The following RGS6 variants were observed in gnomAD, a reference collection of about 807,000 sequenced individuals.
RGS6 encodes the protein regulator of G protein signaling 6.
In RGS6, 30 loss-of-function variants were observed where a neutral mutation model predicts 78.5. That is an observed-to-expected ratio of 0.38 (90% CI 0.29 to 0.52). The LOEUF is 0.52. Ranked by LOEUF, RGS6 falls within the 20% of genes least tolerant of loss-of-function variation. The probability of loss-of-function intolerance (pLI) is 0.85; values close to 1 mark genes in which losing one functional copy is unlikely to be tolerated. For missense variants in RGS6, 495 were observed against 609.7 expected, an observed-to-expected ratio of 0.81 and a Z score of 1.98; for synonymous variants, 206 against 206.0, an observed-to-expected ratio of 1.00 and a Z score of 0.00.
chr14:72,099,320 C>T (rs546541087), intron 2 of RGS6, among the ~76,000 whole-genome samples: 18 of 152,078 alleles, frequency 1.2e-4, no homozygotes, highest in Admixed American at 3.3e-4. Context: ...CCTCCATGCC[C>T]GGCTAATTTT....
At chr14:72,076,675 C>G (rs185512926) in intron 2 of RGS6, among the ~76,000 whole-genome samples, 1 of 151,938 alleles carries the variant, frequency 6.6e-6, no homozygotes, top group African/African-American at 2.4e-5. Flanking sequence ...ACTATAGACA[C>G]GTGCCATCAT....
At chr14:71,943,707 AT>A (rs748545863) in intron 1 of RGS6, among the ~76,000 whole-genome samples, 1 of 152,232 alleles carries the variant, frequency 6.6e-6, no homozygotes, top group Non-Finnish European at 1.5e-5. Context: ...CTGCTGCTGC[AT>A]TGATAGGGCT....
intron 2 of RGS6, among the ~76,000 whole-genome samples, chr14:72,010,431 C>T (rs1191300592): frequency 6.6e-6 from 1 of 152,094 alleles, no homozygotes; most frequent in Non-Finnish European, 1.5e-5. Flanking sequence ...TCAAAGTATA[C>T]ACTGAAAGTA....
At chr14:72,394,268 A>T (rs1294948774) in intron 3 of RGS6, among the ~76,000 whole-genome samples, 1 of 152,192 alleles carries the variant, frequency 6.6e-6, no homozygotes, top group Non-Finnish European at 1.5e-5. Flanking sequence ...CAAAACCAGC[A>T]GGTTTTTACT....
intron 2 of RGS6, among the ~76,000 whole-genome samples, chr14:72,097,489 C>A (rs1397490048): frequency 6.6e-6 from 1 of 152,110 alleles, no homozygotes; most frequent in Non-Finnish European, 1.5e-5. Flanking sequence ...GGCAATAGAG[C>A]AAGTTTTAAA....
chr14:72,396,763 G>A (rs2091385327), intron 3 of RGS6, among the ~76,000 whole-genome samples: 1 of 152,100 alleles, frequency 6.6e-6, no homozygotes, highest in African/African-American at 2.4e-5. Context: ...TTCTACATAT[G>A]TCTAGCCAGT....
Position 72,054,521 on chromosome 14 carries a change from G to A in RGS6, c.84+89646G>A, listed in dbSNP as rs147340487. The stretch of plus-strand genomic sequence containing the variant: ...TTGAATTTTTTTTCTCATTGGTATT[G>A]GATTCTGTTGTCTTTACTGATGGAA... On this transcript the variant is annotated intron_variant, in intron 2 of 17. Coordinates refer to ENST00000553525, the MANE Select transcript of RGS6 (RefSeq NM_001204424.2). 3.7e-3 allele frequency among the ~76,000 whole-genome samples: 570 copies of A among 152,104 alleles called. 4 individuals are homozygous for A. Among genetic ancestry groups the A allele is most frequent in the African/African-American group, 0.013 (545 of 41,496 alleles).
intron 2 of RGS6, among the ~76,000 whole-genome samples, chr14:72,256,261 C>A (rs1417530351): frequency 6.6e-6 from 1 of 152,162 alleles, no homozygotes; most frequent in Non-Finnish European, 1.5e-5. Flanking sequence ...TCTTCATGCA[C>A]TGAGTCAGTT....
intron 2 of RGS6, among the ~76,000 whole-genome samples, chr14:72,262,127 A>T (rs1342051540): frequency 6.6e-6 from 1 of 151,994 alleles, no homozygotes; most frequent in African/African-American, 2.4e-5. Flanking sequence ...ATTCAGCCTC[A>T]TCATAGCTGT....
intron 2 of RGS6, among the ~76,000 whole-genome samples, chr14:72,153,446 A>G (rs1178372276): frequency 6.6e-6 from 1 of 152,206 alleles, no homozygotes; most frequent in Non-Finnish European, 1.5e-5. Flanking sequence ...CTGGTCCAAT[A>G]TGAGTGACAC....
At chr14:72,260,354 G>A (rs747420338) in intron 2 of RGS6, among the ~76,000 whole-genome samples, 29 of 152,170 alleles carry the variant, frequency 1.9e-4, no homozygotes, top group Admixed American at 2.6e-4. Context: ...ATTATCAGAA[G>A]GAATTCTCCA....
intron 2 of RGS6, among the ~76,000 whole-genome samples, chr14:72,300,917 G>T (rs576518802): frequency 5.9e-5 from 9 of 152,290 alleles, no homozygotes; most frequent in African/African-American, 2.2e-4. Flanking sequence ...TTACTAAATG[G>T]GTATTAAATG....
chr14:72,320,581 AAAAT>A (rs1430685647), intron 2 of RGS6, among the ~76,000 whole-genome samples: 10 of 152,064 alleles, frequency 6.6e-5, no homozygotes, highest in African/African-American at 1.9e-4. Context: ...CTGTCTCAAA[AAAAT>A]AAATAAAATT....
intron 2 of RGS6, among the ~76,000 whole-genome samples, chr14:72,305,933 G>C (rs1422633987): frequency 6.6e-6 from 1 of 152,190 alleles, no homozygotes; most frequent in Non-Finnish European, 1.5e-5. Context: ...AGTTATTGAA[G>C]AAAATTGAAA....
At chr14:72,384,738 A>C (rs8016510) in intron 3 of RGS6, among the ~76,000 whole-genome samples, 1 of 151,990 alleles carries the variant, frequency 6.6e-6, no homozygotes, top group South Asian at 2.1e-4. Flanking sequence ...CACGGTTTGC[A>C]TATTTTTTTT....
Position 72,055,942 on chromosome 14 carries a change from A to G in RGS6, c.84+91067A>G, listed in dbSNP as rs370155311. ...CAATAAAAGTTAGTATGGGCTAGAAATTGTGCTTGACATTTATTTTTTTCT... is the reference window on the plus strand; with the variant it reads ...CAATAAAAGTTAGTATGGGCTAGAAGTTGTGCTTGACATTTATTTTTTTCT... On this transcript the variant is annotated intron_variant, in intron 2 of 17. Transcript: ENST00000553525. Among the ~76,000 whole-genome samples the G allele has an allele frequency of 9.7e-4, 148 of 152,332 alleles. 5 individuals are homozygous for G. In the South Asian group the frequency reaches 0.03, roughly 31 times the overall value.
intron 3 of RGS6, among the ~76,000 whole-genome samples, chr14:72,372,186 A>G (rs1044195935): frequency 6.6e-6 from 1 of 152,242 alleles, no homozygotes; most frequent in Admixed American, 6.5e-5. Context: ...CACGTATTAT[A>G]TATACAAAAC....
chr14:72,025,292 T>C (rs949938836), intron 2 of RGS6, among the ~76,000 whole-genome samples: 1 of 151,966 alleles, frequency 6.6e-6, no homozygotes. Flanking sequence ...TCAAGTTGTA[T>C]CTGTCCCGTG....
intron 17 of RGS6, among the ~76,000 whole-genome samples, chr14:72,555,863 G>A (rs2097568029): frequency 6.6e-6 from 1 of 152,138 alleles, no homozygotes; most frequent in Non-Finnish European, 1.5e-5. Flanking sequence ...ATCAGCAGGT[G>A]GCTGTTTGTT....
Sources: gnomAD v4.1 joint callset for allele counts (sites outside exome capture counted in the v4.1 genomes callset) on GRCh38, gnomAD v4.1.1 for gene constraint, MANE v1.5 for transcripts, NCBI Gene and HGNC (gene_info 2026-07-23, HGNC 2026-07-21) for gene names.